The following SCHIP1 variants were observed in gnomAD, a reference collection of about 807,000 sequenced individuals.
SCHIP1 encodes the protein schwannomin interacting protein 1, also known as schwannomin-interacting protein 1.
In SCHIP1, 8 loss-of-function variants were observed where a neutral mutation model predicts 29.7. The ratio of observed to expected loss-of-function variants is 0.27; its 90% CI spans 0.16 to 0.49. SCHIP1 has a LOEUF of 0.49. SCHIP1 is among the 20% of genes least tolerant of loss of function. SCHIP1 has a pLI of 0.99. For synonymous variants in SCHIP1, 76 were observed against 94.9 expected, an observed-to-expected ratio of 0.80 and a Z score of 1.16; for missense variants, 193 against 294.6, an observed-to-expected ratio of 0.66 and a Z score of 2.52.
intron 2 of SCHIP1, among the ~76,000 whole-genome samples, chr3:159,871,679 G>A (rs1715304869): frequency 6.6e-6 from 1 of 152,116 alleles, no homozygotes; most frequent in Admixed American, 6.6e-5. Flanking sequence ...ACCTCATCTT[G>A]AGGCATTTTA....
At chr3:159,299,011 CA>C in the SCHIP1 span, among the ~76,000 whole-genome samples, 1 of 152,076 alleles carries the variant, frequency 6.6e-6, no homozygotes, top group African/African-American at 2.4e-5. Context: ...GTGTCTTCAA[CA>C]AAAAACTTTT....
At chr3:159,405,663 G>T in the SCHIP1 span, among the ~76,000 whole-genome samples, 1 of 152,044 alleles carries the variant, frequency 6.6e-6, no homozygotes, top group Non-Finnish European at 1.5e-5. Flanking sequence ...CAGACCACGA[G>T]GTTAGGAGTT....
At chr3:159,608,134 T>C in the SCHIP1 span, among the ~76,000 whole-genome samples, 2 of 152,190 alleles carry the variant, frequency 1.3e-5, no homozygotes, top group Non-Finnish European at 2.9e-5. Context: ...GTGATCGTTA[T>C]GGACATCTGA....
the SCHIP1 span, among the ~76,000 whole-genome samples, chr3:159,529,155 G>A: frequency 3.9e-3 from 587 of 152,302 alleles, 4 homozygotes; most frequent in African/African-American, 0.014. Context: ...AGGCATGTGT[G>A]ATGGCAAAAC....
chr3:159,649,940 A>G, the SCHIP1 span, among the ~76,000 whole-genome samples: 40 of 152,218 alleles, frequency 2.6e-4, no homozygotes, highest in Middle Eastern at 3.2e-3. Context: ...ATATTTCCAG[A>G]AATTCTATTT....
At chr3:159,392,883 G>A in the SCHIP1 span, among the ~76,000 whole-genome samples, 5 of 152,150 alleles carry the variant, frequency 3.3e-5, no homozygotes, top group South Asian at 2.1e-4. Flanking sequence ...CTGAGGAATC[G>A]CCACACTGAC....
chr3:159,802,307 A>G, the SCHIP1 span, among the ~76,000 whole-genome samples: 1 of 152,208 alleles, frequency 6.6e-6, no homozygotes, highest in African/African-American at 2.4e-5. Flanking sequence ...AAATGCTCCT[A>G]TGTCTGAATG....
the SCHIP1 span, among the ~76,000 whole-genome samples, chr3:159,792,225 C>T: frequency 1.3e-5 from 2 of 152,118 alleles, no homozygotes; most frequent in African/African-American, 4.8e-5. Context: ...GGGGGCCTGT[C>T]AAGTGCCAGG....
chr3:159,641,787 G>A, the SCHIP1 span, among the ~76,000 whole-genome samples: 1 of 152,112 alleles, frequency 6.6e-6, no homozygotes, highest in East Asian at 1.9e-4. Context: ...CAAACAAATG[G>A]TAGTCTCTAA....
the SCHIP1 span, among the ~76,000 whole-genome samples, chr3:159,729,411 G>C: frequency 6.6e-6 from 1 of 152,062 alleles, no homozygotes; most frequent in Non-Finnish European, 1.5e-5. Context: ...AAAAGGATGA[G>C]CCAAAGTGAT....
the SCHIP1 span, among the ~76,000 whole-genome samples, chr3:159,834,508 C>T: frequency 6.6e-6 from 1 of 152,160 alleles, no homozygotes; most frequent in Non-Finnish European, 1.5e-5. Flanking sequence ...GTTTCAACTA[C>T]AAAAATCAAG....
At chr3:159,538,278 G>A in the SCHIP1 span, among the ~76,000 whole-genome samples, 1 of 152,128 alleles carries the variant, frequency 6.6e-6, no homozygotes, top group Non-Finnish European at 1.5e-5. Flanking sequence ...TAATTTGATG[G>A]TGAGAAAGCA....
At chr3:159,452,045 G>A in the SCHIP1 span, among the ~76,000 whole-genome samples, 1 of 152,002 alleles carries the variant, frequency 6.6e-6, no homozygotes, top group Non-Finnish European at 1.5e-5. Context: ...GGGCCAAGTG[G>A]TCTGCGTTGT....
chr3:159,890,698 A>G (rs116496383), intron 5 of SCHIP1, among the ~76,000 whole-genome samples: 1,690 of 152,252 alleles, frequency 0.011, 25 homozygotes, highest in African/African-American at 0.039. Flanking sequence ...CATCTTCCTT[A>G]GACTTTTAAA....
At chr3:159,388,012 C>T in the SCHIP1 span, among the ~76,000 whole-genome samples, 1 of 151,834 alleles carries the variant, frequency 6.6e-6, no homozygotes, top group Admixed American at 6.6e-5. Context: ...CAGTTAATGA[C>T]AAAATATTAA....
chr3:159,764,336 C>G, the SCHIP1 span: 1 of 1,378,558 alleles, frequency 7.3e-7, no homozygotes, highest in Non-Finnish European at 9.6e-7. The surrounding 1 kb of genome is among the most constrained non-coding windows in gnomAD (Gnocchi z 6.1). Context: ...GCACCTCTGA[C>G]CCAGCGGGCG....
At chr3:159,852,723 C>T (rs532653496) in intron 1 of SCHIP1, among the ~76,000 whole-genome samples, 2 of 152,212 alleles carry the variant, frequency 1.3e-5, no homozygotes, top group South Asian at 4.2e-4. Flanking sequence ...ATTTCAGTCT[C>T]GTCCTGGAGC....
the SCHIP1 span, among the ~76,000 whole-genome samples, chr3:159,615,973 C>T: frequency 6.6e-6 from 1 of 152,118 alleles, no homozygotes; most frequent in African/African-American, 2.4e-5. Flanking sequence ...GTACAGTTGC[C>T]CTGTGGCTCC....
chr3:159,725,213 T>A, the SCHIP1 span, among the ~76,000 whole-genome samples: 55 of 152,140 alleles, frequency 3.6e-4, 1 homozygote, highest in South Asian at 0.011. Flanking sequence ...AGTTTCTAGT[T>A]CCACTTGGGA....
Sources: gnomAD v4.1 joint callset for allele counts (sites outside exome capture counted in the v4.1 genomes callset) on GRCh38, gnomAD v4.1.1 for gene constraint, Gnocchi (gnomAD v3.1) non-coding constraint, MANE v1.5 for transcripts, NCBI Gene and HGNC (gene_info 2026-07-23, HGNC 2026-07-21) for gene names.